RHOBTB1: variants seen among roughly 807,000 people sequenced by gnomAD.
The protein encoded by RHOBTB1 is Rho related BTB domain containing 1.
RHOBTB1 carries 40 observed loss-of-function variants against 71.6 expected under a neutral mutation model. The observed-to-expected ratio is 0.56, with a 90% CI of 0.43 to 0.73. RHOBTB1 has a LOEUF of 0.73. Among genes scored for constraint, RHOBTB1 ranks in the 30% least tolerant of loss-of-function variants. RHOBTB1 has a pLI of 0.00. For missense variants in RHOBTB1, 797 were observed against 894.0 expected (o/e 0.89, Z 1.38); for synonymous variants, 319 against 334.9 (o/e 0.95, Z 0.52).
intron 2 of RHOBTB1, among the ~76,000 whole-genome samples, chr10:60,980,446 A>G (rs1329522554): frequency 1.3e-5 from 2 of 152,192 alleles, no homozygotes; most frequent in Non-Finnish European, 2.9e-5. Context: ...TCCCTCCTTA[A>G]CATTGTCTGG....
chr10:60,942,510 C>T (rs531436877), intron 1 of RHOBTB1, among the ~76,000 whole-genome samples: 1 of 152,320 alleles, frequency 6.6e-6, no homozygotes, highest in East Asian at 1.9e-4. Flanking sequence ...ACTGGTTAAA[C>T]CTTTTTCCCA....
chr10:60,977,049 G>T (rs1003673055), intron 2 of RHOBTB1, among the ~76,000 whole-genome samples: 2 of 151,908 alleles, frequency 1.3e-5, no homozygotes, highest in Non-Finnish European at 2.9e-5. Context: ...AAATGAAGGA[G>T]AATTATATAT....
intron 4 of RHOBTB1, among the ~76,000 whole-genome samples, chr10:60,900,383 C>A (rs2082359356): frequency 6.6e-6 from 1 of 152,158 alleles, no homozygotes; most frequent in African/African-American, 2.4e-5. Context: ...GCCTGAGGAT[C>A]AGATGTGTGA....
chr10:60,939,733 C>A (rs190970939), intron 2 of RHOBTB1, among the ~76,000 whole-genome samples: 18 of 152,112 alleles, frequency 1.2e-4, no homozygotes, highest in African/African-American at 4.1e-4. Context: ...GAAGACCAAG[C>A]GACAGTTTTA....
At chr10:60,932,573 T>C (rs539288726) in intron 2 of RHOBTB1, among the ~76,000 whole-genome samples, 1 of 148,396 alleles carries the variant, frequency 6.7e-6, no homozygotes, top group South Asian at 2.2e-4. Context: ...TTGGAGGCCC[T>C]ATCGTCCTCA....
chr10:60,930,228 C>T (rs2084159785), intron 2 of RHOBTB1, among the ~76,000 whole-genome samples: 1 of 152,112 alleles, frequency 6.6e-6, no homozygotes, highest in African/African-American at 2.4e-5. Flanking sequence ...AAGATACTTG[C>T]TAAGTGATTT....
intron 8 of RHOBTB1, among the ~76,000 whole-genome samples, chr10:60,877,486 T>C (rs1163765354): frequency 6.6e-6 from 1 of 152,232 alleles, no homozygotes; most frequent in Middle Eastern, 3.2e-3. Flanking sequence ...CAGGGTTTGA[T>C]CTTAGGCAAT....
At chr10:60,903,968 T>G (rs959217432) in intron 4 of RHOBTB1, among the ~76,000 whole-genome samples, 1 of 152,190 alleles carries the variant, frequency 6.6e-6, no homozygotes, top group South Asian at 2.1e-4. Context: ...TTCTTTTCTT[T>G]TCTTTTTTTT....
At chr10:60,971,888 A>G (rs559162649) in intron 2 of RHOBTB1, among the ~76,000 whole-genome samples, 2 of 152,348 alleles carry the variant, frequency 1.3e-5, no homozygotes, top group African/African-American at 4.8e-5. Flanking sequence ...AAGGATATGA[A>G]CAGACACTTC....
In RHOBTB1 at chr10:60,987,129, A is replaced by G. The variant is rs529647025; in HGVS notation, c.-162-1184T>C. On this transcript the variant is annotated intron_variant, in intron 1 of 11. Coordinates refer to the RHOBTB1 transcript ENST00000357917. ...AGAGAAAAGGCACAACCTAGTGATT[A>G]TATCAGTGAAACAAATCACAGCATG... 9.8e-5 allele frequency among the ~76,000 whole-genome samples: 15 copies of G among 152,316 alleles called. No individual in the cohort carries two copies. In the South Asian group the frequency reaches 3.1e-3, roughly 32 times the overall value.
At chr10:60,923,986 A>G (rs1201330381) in intron 2 of RHOBTB1, among the ~76,000 whole-genome samples, 2 of 152,144 alleles carry the variant, frequency 1.3e-5, no homozygotes, top group Non-Finnish European at 2.9e-5. Context: ...TTCCTGAAGA[A>G]CTGAGGAGCG....
chr10:60,865,293 T>C (rs909996040), downstream of RHOBTB1, among the ~76,000 whole-genome samples: 30 of 152,246 alleles, frequency 2.0e-4, no homozygotes, highest in African/African-American at 6.3e-4. Context: ...AATTAGAAGA[T>C]ATCCTTCAAC....
Position 60,888,974 on chromosome 10 carries a change from G to C in RHOBTB1, c.694C>G (p.Pro232Ala). 6.2e-7 allele frequency: 1 copy of C among 1,614,160 alleles called. No individual in the cohort carries two copies. Among genetic ancestry groups the C allele is most frequent in the Non-Finnish European group, 8.5e-7 (1 of 1,180,022 alleles). Residue 232 changes from proline to alanine, a missense_variant, in exon 6 of 11, where the codon CCC (proline) becomes GCC (alanine). Transcript: ENST00000337910. ...KKVQKPLLQA[P>A]FLPPKAPPPV... ...GGAGGGGCTTTTGGAGGTAGGAAGGGTGCCTGAAGTAAAGGTTTCTGGACT... is the reference window on the plus strand; with the variant it reads ...GGAGGGGCTTTTGGAGGTAGGAAGGCTGCCTGAAGTAAAGGTTTCTGGACT...
intron 1 of RHOBTB1, among the ~76,000 whole-genome samples, chr10:60,996,576 C>T (rs1204148051): frequency 6.6e-6 from 1 of 152,086 alleles, no homozygotes. Context: ...GCCTGGAACC[C>T]AAGGGATGGT....
chr10:60,933,659 C>T (rs1215454585), intron 2 of RHOBTB1, among the ~76,000 whole-genome samples: 1 of 151,738 alleles, frequency 6.6e-6, no homozygotes. Flanking sequence ...CGAGACCACG[C>T]CATTGCACTC....
chr10:60,962,013 G>T (rs1228235444), intron 2 of RHOBTB1, among the ~76,000 whole-genome samples: 1 of 151,884 alleles, frequency 6.6e-6, no homozygotes, highest in African/African-American at 2.4e-5. Context: ...TCACCATGTT[G>T]GCCAGGCTGG....
At chr10:60,891,234 AT>A (rs1214332484) in intron 5 of RHOBTB1, among the ~76,000 whole-genome samples, 1 of 151,372 alleles carries the variant, frequency 6.6e-6, no homozygotes, top group Non-Finnish European at 1.5e-5. Flanking sequence ...ACCATTTACT[AT>A]TGCTTGGAGA....
chr10:60,899,852 A>G (rs1164544630), intron 4 of RHOBTB1, among the ~76,000 whole-genome samples: 2 of 152,222 alleles, frequency 1.3e-5, no homozygotes, highest in Non-Finnish European at 2.9e-5. Context: ...TAGAAAATAA[A>G]GCAGGGAAAG....
intron 2 of RHOBTB1, among the ~76,000 whole-genome samples, chr10:60,980,765 G>A (rs1472095495): frequency 6.6e-6 from 1 of 152,158 alleles, no homozygotes; most frequent in Admixed American, 6.5e-5. Context: ...CTTTCTGGCA[G>A]TAGAAATGAT....
Sources: gnomAD v4.1 joint callset for allele counts (sites outside exome capture counted in the v4.1 genomes callset) on GRCh38, gnomAD v4.1.1 for gene constraint, MANE v1.5 for transcripts, NCBI Gene and HGNC (gene_info 2026-07-23, HGNC 2026-07-21) for gene names.